SLC44A1: variants seen among roughly 807,000 people sequenced by gnomAD.
SLC44A1 encodes the protein choline transporter-like protein 1.
SLC44A1 carries 26 observed loss-of-function variants against 79.3 expected under a neutral mutation model. That is an observed-to-expected ratio of 0.33 (90% CI 0.24 to 0.46). The LOEUF is 0.46. Among genes scored for constraint, SLC44A1 ranks in the 20% least tolerant of loss-of-function variants. SLC44A1 has a pLI of 1.00. For missense variants in SLC44A1, 688 were observed against 798.1 expected (o/e 0.86, Z 1.66); for synonymous variants, 263 against 286.2 (o/e 0.92, Z 0.82).
intron 12 of SLC44A1, among the ~76,000 whole-genome samples, chr9:105,373,496 G>A (rs972642845): frequency 6.6e-6 from 1 of 152,200 alleles, no homozygotes; most frequent in Non-Finnish European, 1.5e-5. Flanking sequence ...GAATGAAAAC[G>A]TGTCAGCTAG....
intron 3 of SLC44A1, among the ~76,000 whole-genome samples, chr9:105,310,689 A>C (rs1831155033): frequency 6.6e-6 from 1 of 152,214 alleles, no homozygotes; most frequent in South Asian, 2.1e-4. Context: ...AGCATTTTCC[A>C]GGAAGGTGGT....
intron 15 of SLC44A1, among the ~76,000 whole-genome samples, chr9:105,409,229 G>A (rs1829066124): frequency 6.6e-6 from 1 of 152,184 alleles, no homozygotes; most frequent in African/African-American, 2.4e-5. Context: ...TAGGATGAAA[G>A]TGAAAAGATG....
At chr9:105,276,610 GTGTGTGTGTA>G (rs1554785751) in intron 1 of SLC44A1, among the ~76,000 whole-genome samples, 10 of 144,668 alleles carry the variant, frequency 6.9e-5, no homozygotes, top group South Asian at 2.1e-4. Context: ...GTGTGTGTGT[GTGTGTGTGTA>G]TGTGCCTGCA....
Position 105,389,710 on chromosome 9 carries a change from CG to C in SLC44A1, c.*655del. On this transcript the variant is annotated 3_prime_UTR_variant, in exon 16 of 16. Transcript: ENST00000374720. ...CTCAGGTATTTGTAGTTTACCCTAA[CG>C]CTTCTTTAAAAGAAAGTAGGTAAAA... 7.9e-7 allele frequency: 1 copy of C among 1,272,736 alleles called. No homozygotes were observed. Among genetic ancestry groups the C allele is most frequent in the African/African-American group, 1.5e-5 (1 of 65,556 alleles). 78.8% of individuals were successfully genotyped at this position (1,272,736 alleles called of 1,614,324 possible).
rs761598964 is a variant in SLC44A1, at chr9:105,387,060, A to ATATATATATAT, written c.1950+1558_1950+1559insTATATATATAT. On this transcript the variant is annotated intron_variant, in intron 15 of 15. Transcript: ENST00000374720. ...TCTCAAAAAAAAAAAAAAAAAAAAA[A>ATATATATATAT]ATATATATATATATGATATAAAATA... Among the ~76,000 whole-genome samples the ATATATATATAT allele has an allele frequency of 7.4e-3, 57 of 7,752 alleles. 2 individuals are homozygous for ATATATATATAT. Among genetic ancestry groups the ATATATATATAT allele is most frequent in the South Asian group, 0.026 (4 of 152 alleles). The allele number at this position is 7,752 out of a possible 152,430, so 5.1% of individuals were successfully genotyped here. A position where few individuals can be genotyped will look rare whatever the true frequency, so the allele number is the denominator to read the frequency against.
intron 1 of SLC44A1, among the ~76,000 whole-genome samples, chr9:105,283,203 G>C (rs1210981830): frequency 6.6e-6 from 1 of 152,192 alleles, no homozygotes; most frequent in Non-Finnish European, 1.5e-5. Flanking sequence ...GTTGATTGTG[G>C]AGAAACAACC....
chr9:105,367,106 G>T (rs1827965478), intron 12 of SLC44A1, among the ~76,000 whole-genome samples: 1 of 152,080 alleles, frequency 6.6e-6, no homozygotes, highest in South Asian at 2.1e-4. Context: ...GGATCTGGGA[G>T]TCTCTGTGGG....
Position 105,244,838 on chromosome 9 carries a change from G to A in SLC44A1, c.-31G>A. 4 of 1,110,770 alleles carry A rather than the reference G, an allele frequency of 3.6e-6. No individual in the cohort carries two copies. The highest frequency in any genetic ancestry group is 4.3e-5 in the South Asian group (1 of 23,280). 68.8% of individuals were successfully genotyped at this position (1,110,770 alleles called of 1,614,324 possible). A position where few individuals can be genotyped will look rare whatever the true frequency, so the allele number is the denominator to read the frequency against. On this transcript the variant is annotated 5_prime_UTR_variant, in exon 1 of 16. Transcript: ENST00000374720. ...GGCTCCGGGGCGTAGCTGCGCGCCC[G>A]GCGCCGCCTCCGGGCTCCTTCGGCC...
rs1368619445 is a variant in SLC44A1 at position 105,348,404 on chromosome 9, A to G, written c.453A>G (p.Thr151=). The G allele has an allele frequency of 3.1e-6, 5 of 1,612,236 alleles. No individual in the cohort carries two copies. In the African/African-American group the frequency reaches 5.3e-5, roughly 17 times the overall value. ...SYNLKPSEYT[T]SPKSSVLCPK... ...ACCTAAAGCCTTCTGAATACACTACATCTCCAAAATCTTCTGTTCTCTGCC... is the reference window on the plus strand; with the variant it reads ...ACCTAAAGCCTTCTGAATACACTACGTCTCCAAAATCTTCTGTTCTCTGCC... Residue 151 remains threonine (T), a synonymous_variant, in exon 5 of 16, where the codon ACA becomes ACG. Coordinates refer to ENST00000374720, the MANE Select transcript of SLC44A1 (RefSeq NM_080546.5).
At chr9:105,306,261 A>AT (rs977293926) in intron 2 of SLC44A1, among the ~76,000 whole-genome samples, 14 of 152,016 alleles carry the variant, frequency 9.2e-5, no homozygotes, top group African/African-American at 3.4e-4. Flanking sequence ...CATTAATGTG[A>AT]TTTTTCCTTC....
In SLC44A1 at chr9:105,265,692, G is replaced by A. The variant is rs191309753; in HGVS notation, c.36+20788G>A. 2.6e-5 allele frequency among the ~76,000 whole-genome samples: 4 copies of A among 152,344 alleles called. No individual in the cohort carries two copies. The East Asian group carries it at 7.7e-4, about 29-fold the overall frequency. Reference sequence around the variant, plus strand: ...AATGTTTATAAGAATCTGCCAAACTGTTTTCCAAATGGGCTGTACCATTGT... The same window carrying A: ...AATGTTTATAAGAATCTGCCAAACTATTTTCCAAATGGGCTGTACCATTGT... On this transcript the variant is annotated intron_variant, in intron 1 of 15. Transcript: ENST00000374720.
intron 2 of SLC44A1, among the ~76,000 whole-genome samples, chr9:105,301,765 A>C (rs1346885800): frequency 2.0e-5 from 3 of 152,178 alleles, no homozygotes; most frequent in African/African-American, 4.8e-5. Flanking sequence ...CTTGTCTAAG[A>C]ATATACTGCT....
chr9:105,375,365 G>T (rs1470003589), intron 13 of SLC44A1, among the ~76,000 whole-genome samples: 3 of 152,158 alleles, frequency 2.0e-5, no homozygotes, highest in African/African-American at 7.2e-5. Flanking sequence ...GAACTGTAAA[G>T]AATTAGGAAA....
chr9:105,364,321 A>G (rs1246790211), intron 9 of SLC44A1, among the ~76,000 whole-genome samples: 1 of 152,250 alleles, frequency 6.6e-6, no homozygotes, highest in East Asian at 1.9e-4. Flanking sequence ...TTTATTAAAT[A>G]TAACAACTTT....
chr9:105,255,755 T>A (rs1829689625), intron 1 of SLC44A1, among the ~76,000 whole-genome samples: 2 of 152,200 alleles, frequency 1.3e-5, no homozygotes, highest in Admixed American at 1.3e-4. Context: ...CTATATCAAT[T>A]TGAATCCCAC....
rs1229619188 is a variant in SLC44A1 at position 105,389,453 on chromosome 9, G to C, written c.*397G>C. ...AATTATGTCTAAAGTTTATTCAGGG[G>C]TAATTTCCCTGATGTCTGTATAAAA... On this transcript the variant is annotated 3_prime_UTR_variant, in exon 16 of 16. Coordinates refer to ENST00000374720, the MANE Select transcript of SLC44A1 (RefSeq NM_080546.5). 2 of 1,029,798 alleles carry C rather than the reference G, an allele frequency of 1.9e-6. No individual in the cohort carries two copies. Among genetic ancestry groups the C allele is most frequent in the Non-Finnish European group, 2.3e-6 (2 of 857,470 alleles). The allele number at this position is 1,029,798 out of a possible 1,614,324, so 63.8% of individuals were successfully genotyped here. A position where few individuals can be genotyped will look rare whatever the true frequency, so the allele number is the denominator to read the frequency against.
chr9:105,435,163 CAA>C (rs77661811), intron 15 of SLC44A1, among the ~76,000 whole-genome samples: 1 of 130,740 alleles, frequency 7.6e-6, no homozygotes, highest in African/African-American at 2.7e-5. Context: ...CAAAACAAAA[CAA>C]AAAAAAAAAA....
chr9:105,334,240 T>C (rs1826840788), intron 3 of SLC44A1, among the ~76,000 whole-genome samples: 1 of 140,582 alleles, frequency 7.1e-6, no homozygotes, highest in African/African-American at 2.6e-5. Flanking sequence ...CACACACACA[T>C]TTTTTTTTTT....
chr9:105,273,029 T>C (rs530273061), intron 1 of SLC44A1, among the ~76,000 whole-genome samples: 2 of 152,138 alleles, frequency 1.3e-5, no homozygotes, highest in African/African-American at 4.8e-5. Flanking sequence ...TCTTGCTCTG[T>C]CACCCAGGCT....
Sources: gnomAD v4.1 joint callset for allele counts (sites outside exome capture counted in the v4.1 genomes callset) on GRCh38, gnomAD v4.1.1 for gene constraint, MANE v1.5 for transcripts, NCBI Gene and HGNC (gene_info 2026-07-23, HGNC 2026-07-21) for gene names.